The following AHR variants were observed in gnomAD, a reference collection of about 807,000 sequenced individuals.
AHR encodes the protein AH-receptor.
Under a neutral mutation model 86.8 loss-of-function variants are expected in AHR, and 40 were observed. That is an observed-to-expected ratio of 0.46 (90% CI 0.36 to 0.60). The LOEUF is 0.60. Among genes scored for constraint, AHR ranks in the 20% least tolerant of loss-of-function variants. The pLI, the probability that AHR is intolerant of heterozygous loss-of-function variation, is 0.00. For missense variants in AHR, 1,001 were observed against 1,011.6 expected (o/e 0.99, Z 0.14); for synonymous variants, 398 against 354.9 (o/e 1.12, Z -1.37).
At chr7:17,342,895 A>G in intron 10 of AHR, 26 bp from the exon 11 acceptor site, 1 of 1,605,998 alleles carries the variant, frequency 6.2e-7, no homozygotes, top group Non-Finnish European at 8.5e-7. Context: ...TATTCCAATA[A>G]GTTGCATCAC....
intron 6 of AHR, 39 bp from the exon 7 acceptor site, chr7:17,333,873 A>G: frequency 6.5e-7 from 1 of 1,547,780 alleles, no homozygotes; most frequent in East Asian, 2.3e-5. Context: ...TTATATTGTT[A>G]ATTTTAATGA....
In AHR at chr7:17,339,311, T is replaced by G. The variant is rs374994764; in HGVS notation, c.1486T>G (p.Trp496Gly). The G allele has an allele frequency of 2.3e-5, 37 of 1,614,062 alleles. No homozygotes were observed. In the African/African-American group the frequency reaches 4.3e-4, roughly 19 times the overall value. The stretch of plus-strand genomic sequence containing the variant: ...CGAATCTATGAATGAATGCAGAAAT[T>G]GGCAAGATAATACTGCACCGATGGG... Reference protein sequence around the residue: ...FNESMNECRNWQDNTAPMGND... With the variant: ...FNESMNECRNGQDNTAPMGND... Residue 496 changes from tryptophan (W) to glycine (G), a missense_variant, in exon 10 of 11, where the codon TGG becomes GGG. By Grantham distance (184) the Trp-to-Gly change is radical (BLOSUM62 -2). Coordinates refer to ENST00000242057, the MANE Select transcript of AHR (RefSeq NM_001621.5).
In AHR at chr7:17,339,580, C is replaced by G. The variant is rs202053172; in HGVS notation, c.1755C>G (p.Val585=). ...TAACGGATGAAATCCTGACGTATGT[C>G]CAAGATTCTTTAAGTAAGTCTCCCT... ...IDLTDEILTY[V]QDSLSKSPFI... The change falls in exon 10 of 11, where the codon GTC becomes GTG. Residue 585 remains valine (V), a synonymous_variant. Coordinates refer to ENST00000242057, the MANE Select transcript of AHR (RefSeq NM_001621.5). 1.9e-6 allele frequency: 3 copies of G among 1,614,130 alleles called. No homozygotes were observed. Among genetic ancestry groups the G allele is most frequent in the African/African-American group, 2.7e-5 (2 of 75,036 alleles).
intron 2 of AHR, among the ~76,000 whole-genome samples, chr7:17,317,064 T>C (rs779882384): frequency 7.3e-4 from 111 of 151,886 alleles, no homozygotes; most frequent in African/African-American, 2.6e-3. Flanking sequence ...ATGGAAATCA[T>C]AGTTATTTCC....
intron 2 of AHR, among the ~76,000 whole-genome samples, chr7:17,311,364 T>C (rs2115353704): frequency 6.6e-6 from 1 of 152,288 alleles, no homozygotes; most frequent in South Asian, 2.1e-4. Flanking sequence ...AGATTTTGCA[T>C]GTCTAACAAG....
chr7:17,336,682 T>A (rs1245651819), intron 9 of AHR, among the ~76,000 whole-genome samples: 1 of 152,184 alleles, frequency 6.6e-6, no homozygotes, highest in Non-Finnish European at 1.5e-5. Flanking sequence ...GATGAATGTA[T>A]GTATGTGTAT....
rs1782402154 is a variant in AHR at position 17,340,019 on chromosome 7, A to G, written c.2194A>G (p.Thr732Ala). Residue 732 changes from threonine (T) to alanine (A), a missense_variant, in exon 10 of 11, where the codon ACT becomes GCT. Physicochemically the swap from Thr to Ala is moderately conservative, Grantham distance 58. Transcript: ENST00000242057. ...TTTTGAACCATCCCCATACCCCACTACTTCTAGTTTAGAAGATTTTGTCAC... is the reference window on the plus strand; with the variant it reads ...TTTTGAACCATCCCCATACCCCACTGCTTCTAGTTTAGAAGATTTTGTCAC... The part of the protein sequence containing the change: ...GSFEPSPYPT[T>A]SSLEDFVTCL... 1.2e-6 allele frequency: 2 copies of G among 1,614,136 alleles called. No homozygotes were observed. The highest frequency in any genetic ancestry group is 1.7e-6 in the Non-Finnish European group (2 of 1,180,014).
intron 6 of AHR, among the ~76,000 whole-genome samples, chr7:17,332,614 A>G (rs1295897748): frequency 6.6e-6 from 1 of 152,014 alleles, no homozygotes; most frequent in Non-Finnish European, 1.5e-5. Flanking sequence ...GAATAAGGAT[A>G]TAAAGAAAGA....
intron 6 of AHR, among the ~76,000 whole-genome samples, chr7:17,333,408 G>A (rs1194790286): frequency 6.6e-6 from 1 of 151,648 alleles, no homozygotes; most frequent in Admixed American, 6.6e-5. Flanking sequence ...TACTCAGTAG[G>A]GCTCTGCATT....
rs1236280069 is a variant in AHR, at chr7:17,330,745, T to A, written c.575-11T>A. ...TGGAAAGTAAATTTTGTTTTGCCTT[T>A]ATTTCTACAGAAGCCACTGGTCTCC... On this transcript the variant is annotated splice_polypyrimidine_tract_variant and intron_variant, in intron 5 of 10. Coordinates refer to ENST00000242057, the MANE Select transcript of AHR (RefSeq NM_001621.5). 1 of 1,540,446 alleles carries A rather than the reference T, an allele frequency of 6.5e-7. No individual in the cohort carries two copies. Among genetic ancestry groups the A allele is most frequent in the Admixed American group, 2.0e-5 (1 of 51,018 alleles).
chr7:17,327,728 T>C, intron 3 of AHR, 31 bp from the exon 4 acceptor site: 1 of 1,250,864 alleles, frequency 8.0e-7, no homozygotes, highest in Admixed American at 1.9e-5. Context: ...TTAAGTCATA[T>C]TACTAATTTT....
At chr7:17,304,321 A>G (rs1781984417) in intron 1 of AHR, among the ~76,000 whole-genome samples, 1 of 152,096 alleles carries the variant, frequency 6.6e-6, no homozygotes, top group Non-Finnish European at 1.5e-5. Flanking sequence ...TTATATACAC[A>G]TTAGTGTTGT....
intron 2 of AHR, among the ~76,000 whole-genome samples, chr7:17,311,141 ATTTATCT>A (rs1372969624): frequency 6.6e-6 from 1 of 152,174 alleles, no homozygotes; most frequent in Admixed American, 6.5e-5. Context: ...TTAATTTTTG[ATTTATCT>A]TTTATCTGTC....
chr7:17,306,879 T>C (rs1470200897), intron 1 of AHR, among the ~76,000 whole-genome samples: 1 of 152,140 alleles, frequency 6.6e-6, no homozygotes, highest in African/African-American at 2.4e-5. Flanking sequence ...CTTGGCACTT[T>C]TGGTCAGCAA....
intron 3 of AHR, among the ~76,000 whole-genome samples, chr7:17,325,028 G>A (rs1782214012): frequency 6.6e-6 from 1 of 152,086 alleles, no homozygotes; most frequent in African/African-American, 2.4e-5. Flanking sequence ...TTATATAACA[G>A]TATTGCAGTT....
chr7:17,315,710 A>G (rs1288611590), intron 2 of AHR, among the ~76,000 whole-genome samples: 1 of 151,932 alleles, frequency 6.6e-6, no homozygotes, highest in Non-Finnish European at 1.5e-5. Flanking sequence ...GGTTAATGGA[A>G]ATGTACACCT....
intron 1 of AHR, among the ~76,000 whole-genome samples, chr7:17,304,787 A>G (rs1781988655): frequency 2.6e-5 from 4 of 152,144 alleles, no homozygotes; most frequent in African/African-American, 9.7e-5. Context: ...GTACAGTACC[A>G]TGCACTTAGT....
Position 17,333,913 on chromosome 7 carries a change from CAAT to C in AHR, c.708_710del (p.Met237del), listed in dbSNP as rs1373429763. 6.2e-7 allele frequency: 1 copy of C among 1,611,410 alleles called. No homozygotes were observed. The highest frequency in any genetic ancestry group is 1.1e-5 in the South Asian group (1 of 90,748). ...TTTTGTTGTTGTTGCTTTTTTAAGGCAATGAATTTCCAAGGGAAGTTAAAGTAT... is the reference window on the plus strand; with the variant it reads ...TTTTGTTGTTGTTGCTTTTTTAAGGCGAATTTCCAAGGGAAGTTAAAGTAT... On this transcript the variant is annotated inframe_deletion and splice_region_variant, in exon 7 of 11. Coordinates refer to ENST00000242057, the MANE Select transcript of AHR (RefSeq NM_001621.5).
chr7:17,327,996 A>G (rs1022772552), intron 4 of AHR, 148 bp downstream of exon 4: 2 of 263,064 alleles, frequency 7.6e-6, no homozygotes, highest in Non-Finnish European at 1.4e-5. Flanking sequence ...TTTTTCTAAT[A>G]TTAATAATTT....
Sources: allele counts gnomAD v4.1 joint callset (sites outside exome capture counted in the v4.1 genomes callset), GRCh38; gene constraint gnomAD v4.1.1; transcripts MANE v1.5; gene names NCBI Gene and HGNC (gene_info 2026-07-23, HGNC 2026-07-21).